The following CIDEC variants were observed in gnomAD, a reference collection of about 807,000 sequenced individuals.
The protein encoded by CIDEC is lipid transferase CIDEC.
Under a neutral mutation model 21.9 loss-of-function variants are expected in CIDEC, and 11 were observed. The observed-to-expected ratio is 0.50, with a 90% CI of 0.32 to 0.83. The LOEUF (loss-of-function observed/expected upper bound fraction) is 0.83. Among genes scored for constraint, CIDEC ranks in the 40% least tolerant of loss-of-function variants. The pLI, the probability that CIDEC is intolerant of heterozygous loss-of-function variation, is 0.04. For synonymous variants in CIDEC, 127 were observed against 124.9 expected (o/e 1.02, Z -0.11); for missense variants, 302 against 302.3 (o/e 1.00, Z 0.01).
intron 6 of CIDEC, among the ~76,000 whole-genome samples, chr3:9,868,012 G>T (rs2082296725): frequency 6.6e-6 from 1 of 152,156 alleles, no homozygotes; most frequent in African/African-American, 2.4e-5. Flanking sequence ...GCCTGGAAGG[G>T]ATTGGTTTCA....
chr3:9,870,016 C>T lies in CIDEC; in HGVS notation c.420G>A (p.Val140=), dbSNP rs1157223381. ...LSHKPAKKID[V]ARVTFDLYKL... is the part of the protein sequence containing the mutation. ...TGTACAGATCAAACGTTACACGGGC[C>T]ACATCAATCTTCTTGGCAGGCTTAT... Residue 140 remains valine, a synonymous_variant, in exon 6 of 7, where the codon GTG becomes GTA. Transcript: ENST00000336832. The T allele has an allele frequency of 8.7e-6, 14 of 1,614,080 alleles. No individual in the cohort carries two copies. Among genetic ancestry groups the T allele is most frequent in the Non-Finnish European group, 1.2e-5 (14 of 1,180,032 alleles).
intron 4 of CIDEC, among the ~76,000 whole-genome samples, chr3:9,871,904 A>G (rs1349903057): frequency 6.6e-6 from 1 of 152,148 alleles, no homozygotes; most frequent in Non-Finnish European, 1.5e-5. Flanking sequence ...TGCAGGGATT[A>G]TAGGCATGAG....
rs1356918993 is a variant in CIDEC, at chr3:9,877,235, C to G, written c.54-16G>C. On this transcript the variant is annotated splice_polypyrimidine_tract_variant and intron_variant, in intron 3 of 6. Coordinates refer to ENST00000336832, the MANE Select transcript of CIDEC (RefSeq NM_001321142.2). ...TGACACATGCCTGGGGCAGTTGAAGCATCAGGGTGAGCCACCCACTTTGCC... is the reference window on the plus strand; with the variant it reads ...TGACACATGCCTGGGGCAGTTGAAGGATCAGGGTGAGCCACCCACTTTGCC... 6.5e-7 allele frequency: 1 copy of G among 1,549,784 alleles called. No homozygotes were observed. The highest frequency in any genetic ancestry group is 2.0e-5 in the Admixed American group (1 of 51,004).
chr3:9,877,903 A>G (rs1385214118), intron 3 of CIDEC: 1 of 163,254 alleles, frequency 6.1e-6, no homozygotes, highest in Non-Finnish European at 1.4e-5. Context: ...CCCATTTACC[A>G]CCTGTCTTGG....
intron 4 of CIDEC, among the ~76,000 whole-genome samples, chr3:9,874,301 A>G (rs2082389953): frequency 6.6e-6 from 1 of 152,058 alleles, no homozygotes; most frequent in Admixed American, 6.5e-5. Flanking sequence ...GGATCACTTG[A>G]GGCCAGGAGT....
chr3:9,879,015 G>A lies in CIDEC; in HGVS notation c.-99C>T, dbSNP rs763059429. ...TCTCCCATGGGTCCTTGAGCAATCC[G>A]AGCCCCTTCCTGAGGCTTCACAGTG... On this transcript the variant is annotated 5_prime_UTR_variant, in exon 2 of 7. Transcript: ENST00000336832. 1.8e-5 allele frequency: 11 copies of A among 610,248 alleles called. No individual in the cohort carries two copies. Among genetic ancestry groups the A allele is most frequent in the Non-Finnish European group, 2.9e-5 (10 of 340,592 alleles). 37.8% of individuals were successfully genotyped at this position (610,248 alleles called of 1,614,324 possible). A position where few individuals can be genotyped will look rare whatever the true frequency, so the allele number is the denominator to read the frequency against.
intron 4 of CIDEC, 54 bp from the exon 5 acceptor site, chr3:9,870,376 T>C: frequency 2.5e-6 from 4 of 1,603,510 alleles, no homozygotes; most frequent in Non-Finnish European, 3.4e-6. Flanking sequence ...TGGGCTGGAC[T>C]CTATGAGGTG....
intron 4 of CIDEC, 81 bp from the exon 5 acceptor site, chr3:9,870,403 C>A (rs754991432): frequency 6.3e-7 from 1 of 1,594,812 alleles, no homozygotes; most frequent in Non-Finnish European, 8.5e-7. Flanking sequence ...GAGCCCAGGC[C>A]CTCTGCTGTG....
At chr3:9,872,233 G>A (rs2082358609) in intron 4 of CIDEC, among the ~76,000 whole-genome samples, 1 of 151,414 alleles carries the variant, frequency 6.6e-6, no homozygotes, top group Admixed American at 6.6e-5. Context: ...GAGTGCAGTG[G>A]TGCCATCATG....
rs1346780183 is a variant in CIDEC, at chr3:9,870,478, G to C, written c.208-156C>G. 2.0e-6 allele frequency: 3 copies of C among 1,531,036 alleles called. No homozygotes were observed. The Admixed American group carries it at 5.9e-5, about 30-fold the overall frequency. 94.8% of individuals were successfully genotyped at this position (1,531,036 alleles called of 1,614,324 possible). ...TCCTGGCTTCAGGGTTCCTAGTCTA[G>C]AATAATATTGTCCAATAAAATATAA... On this transcript the variant is annotated intron_variant, in intron 4 of 6. Coordinates refer to ENST00000336832, the MANE Select transcript of CIDEC (RefSeq NM_001321142.2).
intron 4 of CIDEC, among the ~76,000 whole-genome samples, chr3:9,876,757 CAAAAA>C (rs6147705): frequency 1.5e-5 from 1 of 67,772 alleles, no homozygotes; most frequent in African/African-American, 5.3e-5. Context: ...GACTTCGTCT[CAAAAA>C]AAAAAAAAAA....
intron 4 of CIDEC, among the ~76,000 whole-genome samples, chr3:9,871,501 A>C (rs1381035387): frequency 6.6e-6 from 1 of 151,752 alleles, no homozygotes; most frequent in African/African-American, 2.4e-5. Context: ...TTTAACTTTG[A>C]GGAGGTGCCA....
In CIDEC at chr3:9,867,086, G is replaced by GC. The variant is rs780909809; in HGVS notation, c.*47dup. ...GTGGGCACTACCAGTTAAGCGTGAGGCCCCCAGTCAGTCCTTCACTGGGGA... is the reference window on the plus strand; with the variant it reads ...GTGGGCACTACCAGTTAAGCGTGAGGCCCCCCAGTCAGTCCTTCACTGGGGA... On this transcript the variant is annotated 3_prime_UTR_variant, in exon 7 of 7. Coordinates refer to ENST00000336832, the MANE Select transcript of CIDEC (RefSeq NM_001321142.2). 1 of 1,588,550 alleles carries GC rather than the reference G, an allele frequency of 6.3e-7. No individual in the cohort carries two copies. The highest frequency in any genetic ancestry group is 8.6e-7 in the Non-Finnish European group (1 of 1,158,416).
At chr3:9,874,855 T>C (rs1439839545) in intron 4 of CIDEC, among the ~76,000 whole-genome samples, 1 of 152,040 alleles carries the variant, frequency 6.6e-6, no homozygotes, top group Non-Finnish European at 1.5e-5. Context: ...CTCAGCCTCC[T>C]GAGTAACTGG....
rs1037530985 is a variant in CIDEC at position 9,878,695 on chromosome 3, G to C, written c.-25-184C>G. The C allele has an allele frequency of 1.0e-5, 15 of 1,488,416 alleles. No homozygotes were observed. In the African/African-American group the frequency reaches 1.9e-4, roughly 19 times the overall value. The allele number at this position is 1,488,416 out of a possible 1,614,324, so 92.2% of individuals were successfully genotyped here. ...CCCCATGCATGCCAACCAAGACCAA[G>C]CTGGAGACCCCACCCCTCTCCCCAC... On this transcript the variant is annotated intron_variant, in intron 2 of 6. Coordinates refer to ENST00000336832, the MANE Select transcript of CIDEC (RefSeq NM_001321142.2).
At chr3:9,877,450 A>G (rs748036125) in intron 3 of CIDEC, among the ~76,000 whole-genome samples, 8 of 152,236 alleles carry the variant, frequency 5.3e-5, no homozygotes, top group Non-Finnish European at 1.0e-4. Context: ...ACTTGAAGTC[A>G]GGAGTTCAAG....
chr3:9,878,845 C>T, intron 2 of CIDEC, 97 bp downstream of exon 2: 1 of 1,535,218 alleles, frequency 6.5e-7, no homozygotes, highest in Non-Finnish European at 8.7e-7. Flanking sequence ...CTGAAGAAGC[C>T]TTGCCCGATT....
intron 4 of CIDEC, among the ~76,000 whole-genome samples, chr3:9,871,312 G>A (rs1201662666): frequency 1.3e-5 from 2 of 148,370 alleles, no homozygotes; most frequent in Admixed American, 6.7e-5. Context: ...CCAAGTAGCT[G>A]AGATTACAGG....
At chr3:9,869,307 G>A (rs1342867081) in intron 6 of CIDEC, among the ~76,000 whole-genome samples, 2 of 151,938 alleles carry the variant, frequency 1.3e-5, no homozygotes, top group Non-Finnish European at 2.9e-5. Flanking sequence ...CTGGAGTGCA[G>A]TGGCAGAATC....
Sources: allele counts gnomAD v4.1 joint callset (sites outside exome capture counted in the v4.1 genomes callset), GRCh38; gene constraint gnomAD v4.1.1; transcripts MANE v1.5; gene names NCBI Gene and HGNC (gene_info 2026-07-23, HGNC 2026-07-21).